AGBL1: variants seen among roughly 807,000 people sequenced by gnomAD.
The protein encoded by AGBL1 is cytosolic carboxypeptidase 4.
A neutral mutation model predicts 118.9 loss-of-function variants in AGBL1; 130 were observed. The ratio of observed to expected loss-of-function variants is 1.09; its 90% CI spans 0.95 to 1.26. The LOEUF is 1.26. Among genes scored for constraint, AGBL1 ranks in the 50% most tolerant of loss-of-function variants. The pLI is 0.00. For missense variants in AGBL1, 1,584 were observed against 1,298.1 expected, an observed-to-expected ratio of 1.22 and a Z score of -3.38; for synonymous variants, 555 against 478.9, an observed-to-expected ratio of 1.16 and a Z score of -2.08.
chr15:86,334,453 C>A (rs1382447956), intron 17 of AGBL1, among the ~76,000 whole-genome samples: 5 of 152,048 alleles, frequency 3.3e-5, no homozygotes, highest in African/African-American at 1.2e-4. Context: ...ATACGTCTAA[C>A]CAAGGAGGTG....
chr15:86,563,173 T>C lies in AGBL1; in HGVS notation c.2994+8636T>C, dbSNP rs549411402. ...TTCTACTCTGATCTTAGTTATTTCTTGCCTTCTGCTAGCTTTTGAATGTGT... is the reference window on the plus strand; with the variant it reads ...TTCTACTCTGATCTTAGTTATTTCTCGCCTTCTGCTAGCTTTTGAATGTGT... On this transcript the variant is annotated intron_variant, in intron 21 of 22. Transcript: ENST00000614907. 2.8e-4 allele frequency among the ~76,000 whole-genome samples: 42 copies of C among 152,316 alleles called. 1 individual carries two copies. Among genetic ancestry groups the C allele is most frequent in the Admixed American group, 9.1e-4 (14 of 15,308 alleles).
chr15:86,166,617 G>C (rs879029519), intron 5 of AGBL1, among the ~76,000 whole-genome samples: 17 of 152,296 alleles, frequency 1.1e-4, no homozygotes, highest in African/African-American at 4.1e-4. Context: ...CACCTGGGTG[G>C]TGAACCAGAT....
At chr15:86,338,450 G>A (rs4887436) in intron 17 of AGBL1, among the ~76,000 whole-genome samples, 76,096 of 151,688 alleles carry the variant, frequency 0.5, 20,274 homozygotes, top group Non-Finnish European at 0.6. Flanking sequence ...TTGGTGGCTT[G>A]AGGTAGAAGA....
intron 23 of AGBL1, among the ~76,000 whole-genome samples, chr15:86,925,186 G>GAAGAA (rs144481144): frequency 0.13 from 17,681 of 136,354 alleles, 1,571 homozygotes; most frequent in African/African-American, 0.24. Flanking sequence ...AGAGGAAGAG[G>GAAGAA]AAGAAAAGAA....
chr15:86,800,908 A>C (rs150334705), intron 22 of AGBL1, among the ~76,000 whole-genome samples: 162 of 152,284 alleles, frequency 1.1e-3, no homozygotes, highest in African/African-American at 3.7e-3. Flanking sequence ...TTGCTGAGTT[A>C]GGTTATAGAG....
chr15:86,123,235 C>CT (rs994745122), intron 1 of AGBL1, among the ~76,000 whole-genome samples: 18 of 151,802 alleles, frequency 1.2e-4, no homozygotes, highest in Non-Finnish European at 2.4e-4. Flanking sequence ...ACCCCTTTGT[C>CT]TTTTTTTTGT....
chr15:86,409,215 G>A (rs921075264), intron 18 of AGBL1, among the ~76,000 whole-genome samples: 1 of 152,142 alleles, frequency 6.6e-6, no homozygotes, highest in Non-Finnish European at 1.5e-5. Flanking sequence ...TGGTGCAACC[G>A]TCCAAACCTC....
intron 22 of AGBL1, among the ~76,000 whole-genome samples, chr15:86,889,834 C>T (rs1238327449): frequency 4.6e-5 from 7 of 152,008 alleles, no homozygotes; most frequent in South Asian, 2.1e-4. Context: ...TTTGCTATTG[C>T]GAATAGTGCT....
At chr15:86,371,363 C>A (rs1312898881) in intron 17 of AGBL1, among the ~76,000 whole-genome samples, 2 of 152,076 alleles carry the variant, frequency 1.3e-5, no homozygotes, top group South Asian at 2.1e-4. Context: ...GAGTGAGCTG[C>A]CTGCATAATT....
chr15:86,317,869 G>A (rs892800590), intron 17 of AGBL1, among the ~76,000 whole-genome samples: 1 of 152,194 alleles, frequency 6.6e-6, no homozygotes, highest in East Asian at 1.9e-4. Context: ...AATTCTTGAA[G>A]TGGAAGACTA....
intron 3 of AGBL1, among the ~76,000 whole-genome samples, chr15:86,144,336 G>T (rs2077004488): frequency 1.3e-5 from 2 of 152,102 alleles, no homozygotes; most frequent in African/African-American, 2.4e-5. Flanking sequence ...CAAAGGAATA[G>T]AAATAATTCT....
intron 5 of AGBL1, among the ~76,000 whole-genome samples, chr15:86,193,650 T>C (rs951791535): frequency 6.6e-6 from 1 of 152,084 alleles, no homozygotes; most frequent in African/African-American, 2.4e-5. Flanking sequence ...GGAGAAGTGG[T>C]TGGACATTGG....
At chr15:86,761,135 C>T (rs2078017843) in intron 22 of AGBL1, among the ~76,000 whole-genome samples, 1 of 152,032 alleles carries the variant, frequency 6.6e-6, no homozygotes, top group Non-Finnish European at 1.5e-5. Flanking sequence ...CCTCTGATTA[C>T]TTCCGGAATT....
At chr15:86,495,812 G>A (rs1203246388) in intron 18 of AGBL1, among the ~76,000 whole-genome samples, 1 of 151,536 alleles carries the variant, frequency 6.6e-6, no homozygotes, top group African/African-American at 2.4e-5. Context: ...GTTTTTTGAT[G>A]TATTATGTAG....
intron 23 of AGBL1, among the ~76,000 whole-genome samples, chr15:86,952,312 C>A (rs548428240): frequency 2.0e-4 from 31 of 151,962 alleles, no homozygotes; most frequent in Admixed American, 5.9e-4. Context: ...TGTTTGATTA[C>A]TTTACTTTTC....
intron 21 of AGBL1, among the ~76,000 whole-genome samples, chr15:86,662,645 A>G (rs534074507): frequency 1.9e-4 from 29 of 152,348 alleles, no homozygotes; most frequent in African/African-American, 4.6e-4. Context: ...TTCATTGATA[A>G]AATCAGCTGA....
intron 17 of AGBL1, among the ~76,000 whole-genome samples, chr15:86,319,743 G>GGTTT (rs2080074114): frequency 2.1e-5 from 1 of 47,230 alleles, no homozygotes; most frequent in East Asian, 8.1e-4. Flanking sequence ...CTCTTTGGTA[G>GGTTT]TTTTTTTTTT....
At chr15:86,405,836 A>G (rs1419864920) in intron 18 of AGBL1, among the ~76,000 whole-genome samples, 1 of 151,984 alleles carries the variant, frequency 6.6e-6, no homozygotes, top group Non-Finnish European at 1.5e-5. Context: ...GAGATGCTAA[A>G]AAAAAAAAAG....
chr15:86,698,015 G>C (rs1437015483), intron 22 of AGBL1, among the ~76,000 whole-genome samples: 1 of 152,022 alleles, frequency 6.6e-6, no homozygotes, highest in African/African-American at 2.4e-5. Context: ...TATTCCTGCA[G>C]TAGTTCTTGG....
Sources: gnomAD v4.1 joint callset for allele counts (sites outside exome capture counted in the v4.1 genomes callset) on GRCh38, gnomAD v4.1.1 for gene constraint, MANE v1.5 for transcripts, NCBI Gene and HGNC (gene_info 2026-07-23, HGNC 2026-07-21) for gene names.